The following THSD7B variants were observed in gnomAD, a reference collection of about 807,000 sequenced individuals.
THSD7B encodes the protein thrombospondin type 1 domain containing 7B.
In THSD7B, 138 loss-of-function variants were observed where a neutral mutation model predicts 213.6. The observed-to-expected ratio is 0.65, with a 90% confidence interval of 0.56 to 0.74. The LOEUF is 0.74. Among genes scored for constraint, THSD7B ranks in the 30% least tolerant of loss-of-function variants. The pLI, the probability that THSD7B is intolerant of heterozygous loss-of-function variation, is 0.00. For synonymous variants in THSD7B, 742 were observed against 687.0 expected (o/e 1.08, Z -1.25); for missense variants, 1,931 against 1,991.5 (o/e 0.97, Z 0.58).
intron 1 of THSD7B, among the ~76,000 whole-genome samples, chr2:136,799,517 G>T (rs559578751): frequency 6.6e-6 from 1 of 151,782 alleles, no homozygotes; most frequent in African/African-American, 2.4e-5. Flanking sequence ...AGGTCAGTTC[G>T]GGTCAGCTAT....
At chr2:137,321,111 C>G (rs1485120223) in intron 12 of THSD7B, among the ~76,000 whole-genome samples, 1 of 152,148 alleles carries the variant, frequency 6.6e-6, no homozygotes, top group Non-Finnish European at 1.5e-5. Flanking sequence ...AGAAGTCAGC[C>G]CATATTTATC....
Position 137,276,012 on chromosome 2 carries a change from G to C in THSD7B, c.2486G>C (p.Gly829Ala). 1 of 1,610,806 alleles carries C rather than the reference G, an allele frequency of 6.2e-7. No individual in the cohort carries two copies. The change falls in exon 12 of 28, where the codon GGG (glycine) becomes GCG (alanine). Residue 829 changes from glycine to alanine, a missense_variant. Physicochemically the swap from Gly to Ala is moderately conservative, Grantham distance 60. Transcript: ENST00000409968. Reference sequence around the variant, plus strand: ...GGCAGCAGTGAAGCCTGTGGAAAGGGGTTACAAACAAGAGGTATGATGATT... The same window carrying C: ...GGCAGCAGTGAAGCCTGTGGAAAGGCGTTACAAACAAGAGGTATGATGATT... The part of the protein sequence containing the change: ...ITGSSEACGK[G>A]LQTRAVSCIS...
chr2:137,598,960 G>T (rs1203208922), intron 17 of THSD7B, among the ~76,000 whole-genome samples: 26 of 148,058 alleles, frequency 1.8e-4, no homozygotes, highest in Non-Finnish European at 3.4e-4. Flanking sequence ...GTATACATGT[G>T]CCACGCTGGT....
chr2:137,324,071 A>G (rs2104883156), intron 12 of THSD7B, among the ~76,000 whole-genome samples: 1 of 152,336 alleles, frequency 6.6e-6, no homozygotes, highest in Middle Eastern at 3.4e-3. Context: ...TCATTGTCAC[A>G]GCTCCTAAGG....
rs1404016995 is a variant in THSD7B, at chr2:137,375,240, T to G, written c.2501-30373T>G. 3.9e-5 allele frequency among the ~76,000 whole-genome samples: 6 copies of G among 152,106 alleles called. No homozygotes were observed. In the South Asian group the frequency reaches 1.2e-3, roughly 31 times the overall value. On this transcript the variant is annotated intron_variant, in intron 12 of 27. Coordinates refer to ENST00000409968, the MANE Select transcript of THSD7B (RefSeq NM_001316349.2). ...AAAGAAGTTATAACTCGTGAGACATTGGAAGGCAGTTTTATACTTAGCTAA... is the reference window on the plus strand; with the variant it reads ...AAAGAAGTTATAACTCGTGAGACATGGGAAGGCAGTTTTATACTTAGCTAA...
intron 5 of THSD7B, among the ~76,000 whole-genome samples, chr2:137,143,230 A>G (rs945909171): frequency 5.3e-5 from 8 of 152,128 alleles, no homozygotes; most frequent in Admixed American, 1.3e-4. Flanking sequence ...AATTGGTACT[A>G]TACACATGAA....
chr2:137,315,859 C>T (rs1338424738), intron 12 of THSD7B, among the ~76,000 whole-genome samples: 3 of 152,190 alleles, frequency 2.0e-5, no homozygotes, highest in African/African-American at 4.8e-5. Flanking sequence ...TTTACTGATT[C>T]ATGTCTTCAC....
intron 2 of THSD7B, among the ~76,000 whole-genome samples, chr2:136,903,797 C>A (rs1053772377): frequency 1.3e-5 from 2 of 152,174 alleles, no homozygotes; most frequent in Non-Finnish European, 2.9e-5. Context: ...ATAAATAAGA[C>A]ATGAGATTTC....
At chr2:137,380,728 G>A (rs1484453145) in intron 12 of THSD7B, among the ~76,000 whole-genome samples, 1 of 152,208 alleles carries the variant, frequency 6.6e-6, no homozygotes, top group African/African-American at 2.4e-5. Flanking sequence ...GAAAGTGCAT[G>A]TGCTGTGGTC....
intron 14 of THSD7B, among the ~76,000 whole-genome samples, chr2:137,435,199 C>A (rs924492979): frequency 6.6e-6 from 1 of 152,106 alleles, no homozygotes; most frequent in Non-Finnish European, 1.5e-5. Flanking sequence ...TAATTAACTT[C>A]ATAAGTTTTG....
At chr2:136,800,792 G>GAGAGAT (rs1393974189) in intron 1 of THSD7B, among the ~76,000 whole-genome samples, 1 of 151,882 alleles carries the variant, frequency 6.6e-6, no homozygotes, top group Non-Finnish European at 1.5e-5. Context: ...GAGAGAGAGA[G>GAGAGAT]AGAGAGAGAT....
chr2:136,812,277 A>G (rs1489835630), intron 1 of THSD7B, among the ~76,000 whole-genome samples: 2 of 152,318 alleles, frequency 1.3e-5, no homozygotes, highest in East Asian at 3.9e-4. Flanking sequence ...ACACCTTACC[A>G]TGTTGTTTGC....
At chr2:137,004,637 G>C (rs1686069052) in intron 2 of THSD7B, among the ~76,000 whole-genome samples, 1 of 152,146 alleles carries the variant, frequency 6.6e-6, no homozygotes, top group Non-Finnish European at 1.5e-5. Flanking sequence ...CCCAATGACA[G>C]TCAGTGTGTG....
At chr2:137,089,276 A>ATATATACATATATATGTGTGTGTC (rs1687902951) in intron 3 of THSD7B, among the ~76,000 whole-genome samples, 1 of 119,576 alleles carries the variant, frequency 8.4e-6, no homozygotes, top group African/African-American at 3.4e-5. Flanking sequence ...GTGTGTGTGT[A>ATATATACATATATATGTGTGTGTC]TATGTATATA....
intron 15 of THSD7B, among the ~76,000 whole-genome samples, chr2:137,540,804 G>C (rs1363119707): frequency 2.0e-5 from 3 of 151,714 alleles, no homozygotes; most frequent in Admixed American, 1.3e-4. Flanking sequence ...ATAACAAAAA[G>C]CTTAAAAGGA....
intron 7 of THSD7B, among the ~76,000 whole-genome samples, chr2:137,196,693 AC>A (rs1680772701): frequency 6.6e-6 from 1 of 152,182 alleles, no homozygotes; most frequent in Admixed American, 6.5e-5. Flanking sequence ...TATTTCATGT[AC>A]AAAATTATTA....
intron 12 of THSD7B, among the ~76,000 whole-genome samples, chr2:137,295,421 A>G (rs1169468753): frequency 6.6e-6 from 1 of 152,136 alleles, no homozygotes; most frequent in Non-Finnish European, 1.5e-5. Context: ...CCTTCATCAA[A>G]CAGACAAAAT....
At chr2:137,548,097 A>C (rs1356380380) in intron 15 of THSD7B, among the ~76,000 whole-genome samples, 1 of 151,952 alleles carries the variant, frequency 6.6e-6, no homozygotes, top group African/African-American at 2.4e-5. Flanking sequence ...GGTGGCAAAT[A>C]TATTATGAAG....
In THSD7B at chr2:136,825,718, A is replaced by ATTTTTTTTTTTTTTTTTTTTTTTTT. The variant is rs55814718; in HGVS notation, c.-35-56410_-35-56409insTTTTTTTTTTTTTTTTTTTTTTTTT. 1.6e-4 allele frequency among the ~76,000 whole-genome samples: 19 copies of ATTTTTTTTTTTTTTTTTTTTTTTTT among 116,890 alleles called. 2 individuals carry two copies. In the East Asian group the frequency reaches 2.2e-3, roughly 14 times the overall value. 76.7% of individuals were successfully genotyped at this position (116,890 alleles called of 152,430 possible). A position where few individuals can be genotyped will look rare whatever the true frequency, so the allele number is the denominator to read the frequency against. On this transcript the variant is annotated intron_variant, in intron 1 of 27. Coordinates refer to ENST00000409968, the MANE Select transcript of THSD7B (RefSeq NM_001316349.2). ...AGGTGCTCACTGCCATGCCTGGCTA[A>ATTTTTTTTTTTTTTTTTTTTTTTTT]TTTTTTTTTTTTTTTTAGATCTGGG... is the stretch of plus-strand genomic sequence containing the variant.
Sources: allele counts gnomAD v4.1 joint callset (sites outside exome capture counted in the v4.1 genomes callset), GRCh38; gene constraint gnomAD v4.1.1; transcripts MANE v1.5; gene names NCBI Gene and HGNC (gene_info 2026-07-23, HGNC 2026-07-21).